The following LRP1B variants were observed in gnomAD, a reference collection of about 807,000 sequenced individuals.
LRP1B encodes low-density lipoprotein receptor-related protein 1B.
Under a neutral mutation model 556.6 loss-of-function variants are expected in LRP1B, and 217 were observed. The ratio of observed to expected loss-of-function variants is 0.39; its 90% CI spans 0.35 to 0.44. The LOEUF (loss-of-function observed/expected upper bound fraction) is 0.44, where lower values mean the gene tolerates loss of function less well. Ranked by LOEUF, LRP1B falls within the 20% of genes least tolerant of loss-of-function variation. The pLI, the probability that LRP1B is intolerant of heterozygous loss-of-function variation, is 1.00. For synonymous variants in LRP1B, 2,047 were observed against 1,865.8 expected, an observed-to-expected ratio of 1.10 and a Z score of -2.50; for missense variants, 5,053 against 5,620.8, an observed-to-expected ratio of 0.90 and a Z score of 3.23.
intron 31 of LRP1B, among the ~76,000 whole-genome samples, chr2:140,815,336 C>T (rs1313994414): frequency 6.6e-6 from 1 of 151,912 alleles, no homozygotes; most frequent in African/African-American, 2.4e-5. Context: ...GAGTTGGGGT[C>T]TCACTCTGTT....
intron 2 of LRP1B, among the ~76,000 whole-genome samples, chr2:141,659,439 G>A (rs556862714): frequency 6.6e-6 from 1 of 152,078 alleles, no homozygotes; most frequent in East Asian, 1.9e-4. Context: ...AAAGCAGTGG[G>A]AATAAAAATA....
At chr2:140,546,253 T>C (rs1166136042) in intron 43 of LRP1B, among the ~76,000 whole-genome samples, 1 of 152,106 alleles carries the variant, frequency 6.6e-6, no homozygotes, top group Admixed American at 6.6e-5. Context: ...ATTTCCTCTT[T>C]CACTTGGATG....
chr2:142,072,726 G>A (rs979998815), intron 1 of LRP1B, among the ~76,000 whole-genome samples: 6 of 151,870 alleles, frequency 4.0e-5, no homozygotes, highest in Non-Finnish European at 5.9e-5. Flanking sequence ...TACACTATGC[G>A]CTCCAAGTGT....
At chr2:140,425,530 C>T (rs151203015) in intron 66 of LRP1B, among the ~76,000 whole-genome samples, 11 of 152,272 alleles carry the variant, frequency 7.2e-5, no homozygotes, top group Non-Finnish European at 7.4e-5. Flanking sequence ...CCTGCCTCAG[C>T]CTCCTGAGTA....
intron 20 of LRP1B, among the ~76,000 whole-genome samples, chr2:140,935,316 G>T (rs1254907871): frequency 6.6e-6 from 1 of 152,032 alleles, no homozygotes; most frequent in African/African-American, 2.4e-5. Context: ...AATACCAAAA[G>T]ATATTTTGAT....
chr2:140,855,493 G>GAAAAAAAAAAAAAAAAAAAAAAAAA (rs56835236), intron 27 of LRP1B, among the ~76,000 whole-genome samples: 9 of 99,402 alleles, frequency 9.1e-5, no homozygotes, highest in African/African-American at 3.0e-4. Flanking sequence ...TCTCTACTGG[G>GAAAAAAAAAAAAAAAAAAAAAAAAA]AAAAAAAAAA....
At chr2:140,854,201 A>G (rs1692546456) in intron 27 of LRP1B, among the ~76,000 whole-genome samples, 1 of 152,178 alleles carries the variant, frequency 6.6e-6, no homozygotes, top group Admixed American at 6.6e-5. Flanking sequence ...AGCATAATCC[A>G]TAACAGTCTA....
chr2:141,002,943 A>T (rs932587765), intron 15 of LRP1B, among the ~76,000 whole-genome samples: 5 of 152,054 alleles, frequency 3.3e-5, no homozygotes, highest in African/African-American at 9.7e-5. Flanking sequence ...TAATAAGTGA[A>T]ATTGAAGAAG....
At chr2:140,452,743 AGAGATTATTTGATGTTGG>A (rs1408186246) in intron 62 of LRP1B, among the ~76,000 whole-genome samples, 3 of 152,052 alleles carry the variant, frequency 2.0e-5, no homozygotes, top group Non-Finnish European at 4.4e-5. Flanking sequence ...TCTTCAAATA[AGAGATTATTTGATGTTGG>A]CTTTTGCTAA....
chr2:141,059,279 C>G (rs1157566917), intron 8 of LRP1B, among the ~76,000 whole-genome samples: 1 of 151,640 alleles, frequency 6.6e-6, no homozygotes, highest in Non-Finnish European at 1.5e-5. Flanking sequence ...AATGTAGGGA[C>G]AGAATTGTAT....
At chr2:140,344,141 C>A (rs1681534377) in intron 77 of LRP1B, among the ~76,000 whole-genome samples, 1 of 151,696 alleles carries the variant, frequency 6.6e-6, no homozygotes, top group Non-Finnish European at 1.5e-5. Context: ...TAAATTTATA[C>A]AAAAATATTT....
chr2:141,378,215 C>T (rs910538625), intron 3 of LRP1B, among the ~76,000 whole-genome samples: 1 of 152,042 alleles, frequency 6.6e-6, no homozygotes, highest in Non-Finnish European at 1.5e-5. Context: ...AATTTTGAAG[C>T]CTGTGAAGAA....
intron 3 of LRP1B, among the ~76,000 whole-genome samples, chr2:141,340,365 T>C (rs903082936): frequency 3.3e-5 from 5 of 152,216 alleles, no homozygotes; most frequent in African/African-American, 1.2e-4. Context: ...CAGCATACAA[T>C]TTCCTTGCTT....
chr2:140,966,172 C>T (rs1231443944), intron 18 of LRP1B, among the ~76,000 whole-genome samples: 1 of 152,218 alleles, frequency 6.6e-6, no homozygotes, highest in Non-Finnish European at 1.5e-5. Context: ...GTCCCACCAA[C>T]AGTGTAAAAG....
chr2:141,326,603 T>C (rs1401553264), intron 3 of LRP1B, among the ~76,000 whole-genome samples: 2 of 152,206 alleles, frequency 1.3e-5, no homozygotes, highest in African/African-American at 4.8e-5. Context: ...CCCAGAAACA[T>C]TTGTCAATGT....
Position 140,448,209 on chromosome 2 carries a change from T to C in LRP1B, c.10057+2359A>G, listed in dbSNP as rs573962664. ...AACCTTCCATTTGTGAAAAATACAA[T>C]ATCTGCAAAGCGCAGTAAAGTACAG... On this transcript the variant is annotated intron_variant, in intron 63 of 90. Coordinates refer to ENST00000389484, the MANE Select transcript of LRP1B (RefSeq NM_018557.3). Among the ~76,000 whole-genome samples, 5 of 152,164 alleles carry C rather than the reference T, an allele frequency of 3.3e-5. No individual in the cohort carries two copies. The South Asian group carries it at 1.0e-3, about 32-fold the overall frequency.
rs556666694 is a variant in LRP1B, at chr2:141,420,371, G to A, written c.343+60025C>T. Among the ~76,000 whole-genome samples, 19 of 152,294 alleles carry A rather than the reference G, an allele frequency of 1.2e-4. No homozygotes were observed. The South Asian group carries it at 3.9e-3, about 32-fold the overall frequency. ...CAGTCTTTATGACTGACCTTGTACAGGGAAAGACCTTCACCGTCAGCCCAG... is the reference window on the plus strand; with the variant it reads ...CAGTCTTTATGACTGACCTTGTACAAGGAAAGACCTTCACCGTCAGCCCAG... On this transcript the variant is annotated intron_variant, in intron 3 of 90. Coordinates refer to ENST00000389484, the MANE Select transcript of LRP1B (RefSeq NM_018557.3).
chr2:141,448,305 G>A (rs1293732952), intron 3 of LRP1B, among the ~76,000 whole-genome samples: 2 of 152,330 alleles, frequency 1.3e-5, no homozygotes, highest in East Asian at 1.9e-4. Flanking sequence ...TCAGACTGCT[G>A]TGCTGGTAGT....
intron 80 of LRP1B, 97 bp from the exon 81 acceptor site, chr2:140,324,163 GTTTAAAAA>G (rs1378378205): frequency 2.8e-5 from 18 of 647,798 alleles, no homozygotes; most frequent in Non-Finnish European, 4.4e-5. Context: ...CCTTATTACT[GTTTAAAAA>G]TAAACTTTCA....
Sources: allele counts gnomAD v4.1 joint callset (sites outside exome capture counted in the v4.1 genomes callset), GRCh38; gene constraint gnomAD v4.1.1; transcripts MANE v1.5; gene names NCBI Gene and HGNC (gene_info 2026-07-23, HGNC 2026-07-21).